The following ZNF780B variants were observed in gnomAD, a reference collection of about 807,000 sequenced individuals.
ZNF780B encodes the protein zinc finger protein 780B, also known as zinc finger protein 779.
ZNF780B carries 52 observed loss-of-function variants against 74.1 expected under a neutral mutation model. That is an observed-to-expected ratio of 0.70 (90% confidence interval 0.56 to 0.88). ZNF780B has a LOEUF of 0.88. Among genes scored for constraint, ZNF780B ranks in the 40% least tolerant of loss-of-function variants. The pLI, the probability that ZNF780B is intolerant of heterozygous loss-of-function variation, is 0.00. For synonymous variants in ZNF780B, 315 were observed against 324.3 expected, an observed-to-expected ratio of 0.97 and a Z score of 0.31; for missense variants, 953 against 1,007.6, an observed-to-expected ratio of 0.95 and a Z score of 0.73.
intron 3 of ZNF780B, 23 bp downstream of exon 3, chr19:40,048,647 A>T: frequency 6.2e-7 from 1 of 1,614,168 alleles, no homozygotes; most frequent in South Asian, 1.1e-5. Flanking sequence ...AGATACAAAA[A>T]TAACTGGGAC....
rs138206297 is a variant in ZNF780B at position 40,045,387 on chromosome 19, C to T, written c.232+1988G>A. On this transcript the variant is annotated intron_variant, in intron 4 of 4. Coordinates refer to ENST00000434248, the MANE Select transcript of ZNF780B (RefSeq NM_001005851.3). ...ACTGTTGGTGGGATATAAATTAGTA[C>T]AATCACTATGGAAAACAGCATGCAG... Among the ~76,000 whole-genome samples, 863 of 152,216 alleles carry T rather than the reference C, an allele frequency of 5.7e-3. 19 individuals are homozygous for T. Among genetic ancestry groups the T allele is most frequent in the South Asian group, 0.052 (252 of 4,818 alleles).
chr19:40,029,194 G>A lies in ZNF780B; in HGVS notation c.*5163C>T, dbSNP rs920174940. On this transcript the variant is annotated 3_prime_UTR_variant, in exon 5 of 5. Transcript: ENST00000434248. ...TCTGGAAATTAAGACACACAGGTCC[G>A]TTATCCCTCATACCCCAAGCTGGAT... 2.6e-5 allele frequency: 4 copies of A among 152,186 alleles called. No homozygotes were observed. The highest frequency in any genetic ancestry group is 4.8e-5 in the African/African-American group (2 of 41,436). 9.4% of individuals were successfully genotyped at this position (152,186 alleles called of 1,614,324 possible). A position where few individuals can be genotyped will look rare whatever the true frequency, so the allele number is the denominator to read the frequency against.
At position 40,050,347 on chromosome 19, in the gene ZNF780B, A is replaced by T; in HGVS notation, c.-15T>A. 1 of 1,593,912 alleles carries T rather than the reference A, an allele frequency of 6.3e-7. No individual in the cohort carries two copies. On this transcript the variant is annotated 5_prime_UTR_variant, in exon 2 of 5. Transcript: ENST00000434248. ...ACATGGACCATGTTTCTAGAATTAC[A>T]AAATTGGTCAATCTTCCTCGGGCTT...
At chr19:40,052,750 C>T (rs192837903) in intron 1 of ZNF780B, among the ~76,000 whole-genome samples, 15 of 152,064 alleles carry the variant, frequency 9.9e-5, no homozygotes, top group South Asian at 2.1e-4. Context: ...CCTAGACAAA[C>T]GGAACAGAAT....
At position 40,029,465 on chromosome 19, in the gene ZNF780B, C is replaced by G. The variant is rs963137012; in HGVS notation, c.*4892G>C. 6.5e-6 allele frequency: 1 copy of G among 154,796 alleles called. No individual in the cohort carries two copies. The highest frequency in any genetic ancestry group is 1.5e-5 in the Non-Finnish European group (1 of 68,214). The allele number at this position is 154,796 out of a possible 1,614,324, so 9.6% of individuals were successfully genotyped here. On this transcript the variant is annotated 3_prime_UTR_variant, in exon 5 of 5. Transcript: ENST00000434248. ...GATAAACTTCTCAGCTATCACCATA[C>G]ATAAAACATAATTCAATAAAATACC...
intron 4 of ZNF780B, among the ~76,000 whole-genome samples, chr19:40,037,907 T>TA (rs893372424): frequency 2.0e-5 from 3 of 149,644 alleles, no homozygotes; most frequent in East Asian, 1.9e-4. Context: ...TATATATATA[T>TA]TTTTTTAATT....
chr19:40,029,229 A>G lies in ZNF780B; in HGVS notation c.*5128T>C, dbSNP rs973168546. On this transcript the variant is annotated 3_prime_UTR_variant, in exon 5 of 5. Coordinates refer to ENST00000434248, the MANE Select transcript of ZNF780B (RefSeq NM_001005851.3). ...ATACCCCAAGCTGGATGATCACAAT[A>G]CCCTGTAAAAGGATGACAGAAATCT... The G allele has an allele frequency of 1.3e-5, 2 of 152,266 alleles. No individual in the cohort carries two copies. Among genetic ancestry groups the G allele is most frequent in the African/African-American group, 4.8e-5 (2 of 41,438 alleles). The allele number at this position is 152,266 out of a possible 1,614,324, so 9.4% of individuals were successfully genotyped here.
chr19:40,047,527 C>T, intron 3 of ZNF780B, 57 bp from the exon 4 acceptor site: 2 of 1,189,342 alleles, frequency 1.7e-6, no homozygotes, highest in Non-Finnish European at 2.3e-6. Flanking sequence ...TTTTTTTAAA[C>T]CCTGAGACCT....
At position 40,029,328 on chromosome 19, in the gene ZNF780B, A is replaced by G. The variant is rs1445491902; in HGVS notation, c.*5029T>C. ...AACATCCATGACTGAATATTCTAAA[A>G]CAAGTTTCTTTACAACGCTGCTCAG... is the stretch of plus-strand genomic sequence containing the variant. On this transcript the variant is annotated 3_prime_UTR_variant, in exon 5 of 5. Transcript: ENST00000434248. The G allele has an allele frequency of 6.5e-6, 1 of 154,082 alleles. No homozygotes were observed. The highest frequency in any genetic ancestry group is 2.4e-5 in the African/African-American group (1 of 41,520). 9.5% of individuals were successfully genotyped at this position (154,082 alleles called of 1,614,324 possible).
intron 1 of ZNF780B, among the ~76,000 whole-genome samples, chr19:40,053,147 C>T (rs1316083240): frequency 6.6e-6 from 1 of 151,978 alleles, no homozygotes; most frequent in Non-Finnish European, 1.5e-5. Flanking sequence ...AGACTACCTA[C>T]AGAATGAGAG....
chr19:40,047,274 A>G, intron 4 of ZNF780B, 101 bp downstream of exon 4: 1 of 1,040,968 alleles, frequency 9.6e-7, no homozygotes. Flanking sequence ...GTTATTGAAG[A>G]AAGTTTTCCA....
chr19:40,051,204 A>T (rs1973212953), intron 1 of ZNF780B, among the ~76,000 whole-genome samples: 1 of 150,410 alleles, frequency 6.6e-6, no homozygotes. Context: ...TAGAATATAT[A>T]ATTATATTCA....
chr19:40,041,254 C>T (rs1972620303), intron 4 of ZNF780B, among the ~76,000 whole-genome samples: 1 of 152,248 alleles, frequency 6.6e-6, no homozygotes, highest in East Asian at 1.9e-4. Context: ...GGTTTGATTG[C>T]CCTGTGGTCT....
Position 40,050,375 on chromosome 19 carries a change from C to T in ZNF780B, c.-43G>A, listed in dbSNP as rs368685786. 62 of 1,582,888 alleles carry T rather than the reference C, an allele frequency of 3.9e-5. No homozygotes were observed. The African/African-American group carries it at 5.5e-4, about 14-fold the overall frequency. On this transcript the variant is annotated splice_region_variant and 5_prime_UTR_variant, in exon 2 of 5. Coordinates refer to ENST00000434248, the MANE Select transcript of ZNF780B (RefSeq NM_001005851.3). Reference sequence around the variant, plus strand: ...ATTGGTCAATCTTCCTCGGGCTTCTCCCCTGGAAAACAACAACAACAAAAA... The same window carrying T: ...ATTGGTCAATCTTCCTCGGGCTTCTTCCCTGGAAAACAACAACAACAAAAA...
chr19:40,035,406 G>C lies in ZNF780B; in HGVS notation c.1453C>G (p.Leu485Val), dbSNP rs1324118547. ...TTCTTATGTCGAGCAAGCTGTGTCAGAAGACTAAAGGCCTTTCCACATTCT... is the reference window on the plus strand; with the variant it reads ...TTCTTATGTCGAGCAAGCTGTGTCACAAGACTAAAGGCCTTTCCACATTCT... ...CKECGKAFSL[L>V]TQLARHKNIH... Residue 485 changes from leucine (L) to valine (V), a missense_variant, in exon 5 of 5, where the codon CTG (leucine) becomes GTG (valine). Leu to Val is a conservative substitution (Grantham distance 32, BLOSUM62 1). Transcript: ENST00000434248. 9.3e-6 allele frequency: 15 copies of C among 1,613,992 alleles called. 1 individual carries two copies. The South Asian group carries it at 1.6e-4, about 18-fold the overall frequency.
chr19:40,035,372 G>C lies in ZNF780B; in HGVS notation c.1487C>G (p.Thr496Ser). The C allele has an allele frequency of 6.2e-7, 1 of 1,614,148 alleles. No homozygotes were observed. Among genetic ancestry groups the C allele is most frequent in the Middle Eastern group, 1.6e-4 (1 of 6,062 alleles). Residue 496 changes from threonine (T) to serine (S), a missense_variant, in exon 5 of 5, where the codon ACT becomes AGT. Thr to Ser is a moderately conservative substitution (Grantham distance 58). Transcript: ENST00000434248. ...TQLARHKNIH[T>S]GEKPFECKDC... The stretch of plus-strand genomic sequence containing the variant: ...TTTACATTCAAATGGTTTCTCACCA[G>C]TATGAATGTTCTTATGTCGAGCAAG...
Position 40,048,664 on chromosome 19 carries a change from C to A in ZNF780B, c.136+6G>T. The A allele has an allele frequency of 6.2e-7, 1 of 1,614,172 alleles. No homozygotes were observed. The highest frequency in any genetic ancestry group is 2.2e-5 in the East Asian group (1 of 44,880). ...ATACAAAAATAACTGGGACCAATGACCTTACCCAGTGATATCAGGTGGCTG... is the reference window on the plus strand; with the variant it reads ...ATACAAAAATAACTGGGACCAATGAACTTACCCAGTGATATCAGGTGGCTG... On this transcript the variant is annotated splice_donor_region_variant and intron_variant, in intron 3 of 4. Coordinates refer to ENST00000434248, the MANE Select transcript of ZNF780B (RefSeq NM_001005851.3).
At chr19:40,050,568 T>G (rs761386943) in intron 1 of ZNF780B, among the ~76,000 whole-genome samples, 191 bp from the exon 2 acceptor site, 9 of 152,026 alleles carry the variant, frequency 5.9e-5, no homozygotes, top group Non-Finnish European at 1.0e-4. Flanking sequence ...ACAGGTGGAG[T>G]GTGGATGAAA....
At chr19:40,049,404 A>T (rs907034753) in intron 2 of ZNF780B, among the ~76,000 whole-genome samples, 5 of 152,184 alleles carry the variant, frequency 3.3e-5, no homozygotes, top group Admixed American at 3.3e-4. Flanking sequence ...AGATTTAGTC[A>T]TATTTTTCTA....
Sources: allele counts gnomAD v4.1 joint callset (sites outside exome capture counted in the v4.1 genomes callset), GRCh38; gene constraint gnomAD v4.1.1; transcripts MANE v1.5; gene names NCBI Gene and HGNC (gene_info 2026-07-23, HGNC 2026-07-21).